Variants in CRYBG1 observed in about 807,000 individuals in gnomAD.
The protein encoded by CRYBG1 is beta/gamma crystallin domain-containing protein 1.
Under a neutral mutation model 189.2 loss-of-function variants are expected in CRYBG1, and 139 were observed. The observed-to-expected ratio is 0.73, with a 90% CI of 0.64 to 0.85. The LOEUF is 0.85. Ranked by LOEUF, CRYBG1 falls within the 40% of genes least tolerant of loss-of-function variation. The pLI is 0.00. For missense variants in CRYBG1, 2,611 were observed against 2,675.8 expected, an observed-to-expected ratio of 0.98 and a Z score of 0.53; for synonymous variants, 1,023 against 1,017.1, an observed-to-expected ratio of 1.01 and a Z score of -0.11.
chr6:106,449,091 T>G (rs183122894), intron 1 of CRYBG1, among the ~76,000 whole-genome samples: 1 of 152,326 alleles, frequency 6.6e-6, no homozygotes, highest in African/African-American at 2.4e-5. Flanking sequence ...GGCAAAAGGA[T>G]CCTATGTTTT....
intron 1 of CRYBG1, among the ~76,000 whole-genome samples, chr6:106,391,978 C>T (rs984748605): frequency 2.1e-5 from 3 of 143,886 alleles, no homozygotes; most frequent in Non-Finnish European, 3.0e-5. Flanking sequence ...TGTGCGTGCG[C>T]GTTTCCTGAA....
intron 7 of CRYBG1, among the ~76,000 whole-genome samples, chr6:106,528,682 A>T (rs1220791406): frequency 1.3e-5 from 2 of 152,136 alleles, no homozygotes; most frequent in Non-Finnish European, 2.9e-5. Context: ...ATTCAGGAAG[A>T]TGGGGAAGGG....
chr6:106,454,478 C>A (rs1771845909), intron 2 of CRYBG1, among the ~76,000 whole-genome samples: 1 of 152,180 alleles, frequency 6.6e-6, no homozygotes, highest in Non-Finnish European at 1.5e-5. Flanking sequence ...GCCAGGGGCA[C>A]CTCCCATACA....
At chr6:106,456,411 C>A (rs1771890381) in intron 2 of CRYBG1, among the ~76,000 whole-genome samples, 1 of 152,030 alleles carries the variant, frequency 6.6e-6, no homozygotes, top group Non-Finnish European at 1.5e-5. Flanking sequence ...ATCTGCCTGC[C>A]TCAGCCTCCC....
intron 2 of CRYBG1, among the ~76,000 whole-genome samples, chr6:106,491,661 C>T (rs1169824527): frequency 6.6e-6 from 1 of 152,024 alleles, no homozygotes; most frequent in Non-Finnish European, 1.5e-5. Context: ...CCTCCATTTC[C>T]ATATGTGGTG....
chr6:106,541,438 G>C lies in CRYBG1; in HGVS notation c.4846-148G>C, dbSNP rs1160837929. 3.9e-6 allele frequency: 3 copies of C among 779,126 alleles called. No individual in the cohort carries two copies. In the East Asian group the frequency reaches 7.5e-5, roughly 19 times the overall value. 48.3% of individuals were successfully genotyped at this position (779,126 alleles called of 1,614,324 possible). On this transcript the variant is annotated intron_variant, in intron 9 of 21. Coordinates refer to ENST00000633556, the MANE Select transcript of CRYBG1 (RefSeq NM_001371242.2). ...CCTCGTGTCTTCATCTGTATTGTTG[G>C]TAATTTTAGAACTATCTCACGTAAG...
chr6:106,526,960 GAGAC>G, intron 6 of CRYBG1, among the ~76,000 whole-genome samples: 2 of 109,236 alleles, frequency 1.8e-5, no homozygotes, highest in Middle Eastern at 5.0e-3. Context: ...AAAAAAAAAA[GAGAC>G]AAAAAAAAAA....
intron 8 of CRYBG1, among the ~76,000 whole-genome samples, chr6:106,530,768 C>G (rs1376622312): frequency 1.3e-5 from 2 of 152,088 alleles, no homozygotes; most frequent in African/African-American, 4.8e-5. Flanking sequence ...TCACAGGAAA[C>G]AGCAAGAATA....
chr6:106,429,945 C>T lies in CRYBG1; in HGVS notation c.174-21749C>T, dbSNP rs577818669. On this transcript the variant is annotated intron_variant, in intron 1 of 21. Coordinates refer to ENST00000633556, the MANE Select transcript of CRYBG1 (RefSeq NM_001371242.2). ...TCTTTATTTGTCCTCTCCTACTGCC[C>T]TGTTCATTTAAAATAGTAAGAGATC... Among the ~76,000 whole-genome samples the T allele has an allele frequency of 5.3e-5, 8 of 152,232 alleles. No individual in the cohort carries two copies. In the East Asian group the frequency reaches 1.5e-3, roughly 29 times the overall value.
At chr6:106,377,261 T>C (rs905037988) in intron 1 of CRYBG1, among the ~76,000 whole-genome samples, 1 of 152,094 alleles carries the variant, frequency 6.6e-6, no homozygotes, top group Non-Finnish European at 1.5e-5. Context: ...TGCTCCCTTG[T>C]AGAAAGCACT....
At position 106,563,892 on chromosome 6, in the gene CRYBG1, C is replaced by T. The variant is rs775057282; in HGVS notation, c.6267C>T (p.Ser2089=). 1.9e-6 allele frequency: 3 copies of T among 1,612,864 alleles called. No individual in the cohort carries two copies. Among genetic ancestry groups the T allele is most frequent in the African/African-American group, 1.3e-5 (1 of 74,908 alleles). ...TGAAGTCCGATGGCAGGATTTACAG[C>T]AAGTTGAAGCCAAATTTAGTTTTAG... ...WSLKSDGRIY[S]KLKPNLVLDI... is the part of the protein sequence containing the mutation. The change falls in exon 21 of 22, where the codon AGC becomes AGT. Residue 2089 remains serine, a synonymous_variant. Coordinates refer to ENST00000633556, the MANE Select transcript of CRYBG1 (RefSeq NM_001371242.2).
At chr6:106,413,565 T>C (rs1289150791) in intron 1 of CRYBG1, among the ~76,000 whole-genome samples, 1 of 152,004 alleles carries the variant, frequency 6.6e-6, no homozygotes, top group African/African-American at 2.4e-5. Context: ...TAATCCCAGC[T>C]ACCTGGGAGG....
At chr6:106,392,279 A>G (rs1052125316) in intron 1 of CRYBG1, among the ~76,000 whole-genome samples, 1 of 152,144 alleles carries the variant, frequency 6.6e-6, no homozygotes, top group African/African-American at 2.4e-5. Context: ...CCACATACAC[A>G]ATAGTGAGAG....
At chr6:106,395,289 G>C (rs147672949) in intron 1 of CRYBG1, among the ~76,000 whole-genome samples, 1 of 150,928 alleles carries the variant, frequency 6.6e-6, no homozygotes, top group African/African-American at 2.4e-5. Flanking sequence ...TTATACTTAG[G>C]TTTCTCTATT....
In CRYBG1 at chr6:106,520,458, C is replaced by A. The variant is rs746469912; in HGVS notation, c.3250C>A (p.Pro1084Thr). ...GACTGTTACAAATGGCCAGGATAGC[C>A]CTGCCAGCCTTTTGAACATTTCTGC... ...DQTVTNGQDS[P>T]ASLLNISAGS... The change falls in exon 4 of 22, where the codon CCT becomes ACT. Residue 1084 changes from proline to threonine, a missense_variant. Physicochemically the swap from Pro to Thr is conservative, Grantham distance 38 (BLOSUM62 -1). This residue lies in a region of CRYBG1 where 1,622 missense variants were observed against 1,735.0 expected (regional missense o/e 0.93). Transcript: ENST00000633556. The A allele has an allele frequency of 2.5e-6, 4 of 1,614,008 alleles. No homozygotes were observed. Among genetic ancestry groups the A allele is most frequent in the African/African-American group, 2.7e-5 (2 of 74,906 alleles).
Position 106,517,325 on chromosome 6 carries a change from TATACAC to T in CRYBG1, c.1923-1802_1923-1797del, listed in dbSNP as rs1340687821. ...ATATACACACACACACACATATATATATACACATATATATATACACACACATATATA... is the reference window on the plus strand; with the variant it reads ...ATATACACACACACACACATATATATATATATATATACACACACATATATA... On this transcript the variant is annotated intron_variant, in intron 3 of 21. Coordinates refer to ENST00000633556, the MANE Select transcript of CRYBG1 (RefSeq NM_001371242.2). Among the ~76,000 whole-genome samples, 68 of 120,498 alleles carry T rather than the reference TATACAC, an allele frequency of 5.6e-4. 1 individual carries two copies. The highest frequency in any genetic ancestry group is 1.5e-3 in the African/African-American group (44 of 29,770). 79.1% of individuals were successfully genotyped at this position (120,498 alleles called of 152,430 possible).
At chr6:106,521,876 G>A (rs1240607541) in intron 4 of CRYBG1, among the ~76,000 whole-genome samples, 4 of 151,894 alleles carry the variant, frequency 2.6e-5, no homozygotes, top group South Asian at 2.1e-4. Context: ...GTGCCACCAC[G>A]CCTGGCTAAT....
At chr6:106,443,078 C>T (rs7753319) in intron 1 of CRYBG1, among the ~76,000 whole-genome samples, 58,527 of 152,012 alleles carry the variant, frequency 0.39, 11,644 homozygotes, top group East Asian at 0.52. Flanking sequence ...TCTTACTAAA[C>T]TGAAGACATA....
intron 21 of CRYBG1, among the ~76,000 whole-genome samples, chr6:106,564,214 G>A (rs559732965): frequency 2.0e-5 from 3 of 152,162 alleles, no homozygotes; most frequent in Non-Finnish European, 4.4e-5. Context: ...CAAAGGGGTT[G>A]GCCAGTTTGG....
Sources: allele counts gnomAD v4.1 joint callset (sites outside exome capture counted in the v4.1 genomes callset), GRCh38; gene constraint gnomAD v4.1.1; regional missense constraint gnomAD v4.1.1; transcripts MANE v1.5; gene names NCBI Gene and HGNC (gene_info 2026-07-23, HGNC 2026-07-21).